The following RANBP17 variants were observed in gnomAD, a reference collection of about 807,000 sequenced individuals.
The protein encoded by RANBP17 is ran-binding protein 17.
RANBP17 carries 158 observed loss-of-function variants against 141.2 expected under a neutral mutation model. That is an observed-to-expected ratio of 1.12 (90% CI 0.98 to 1.28). The LOEUF is 1.28. Among genes scored for constraint, RANBP17 ranks in the 50% most tolerant of loss-of-function variants. The pLI is 0.00. For missense variants in RANBP17, 1,438 were observed against 1,290.7 expected (o/e 1.11, Z -1.75); for synonymous variants, 430 against 450.0 (o/e 0.96, Z 0.56).
At chr5:171,009,916 G>A (rs1307741418) in intron 14 of RANBP17, among the ~76,000 whole-genome samples, 3 of 152,074 alleles carry the variant, frequency 2.0e-5, no homozygotes, top group Non-Finnish European at 4.4e-5. Flanking sequence ...ACTGGTTGAG[G>A]TCTACATTTA....
chr5:171,267,029 T>TTC (rs200512891), intron 25 of RANBP17, among the ~76,000 whole-genome samples: 41,762 of 104,334 alleles, frequency 0.4, 8,279 homozygotes, highest in Middle Eastern at 0.59. Context: ...TTCTTTTCTT[T>TTC]TTTTTTTTTT....
chr5:171,214,803 A>G (rs138802789), intron 21 of RANBP17, among the ~76,000 whole-genome samples: 8 of 152,198 alleles, frequency 5.3e-5, no homozygotes, highest in Admixed American at 4.6e-4. Flanking sequence ...AATATTATGT[A>G]TTACTGATAG....
chr5:170,903,556 G>T, intron 5 of RANBP17: 1 of 235,272 alleles, frequency 4.3e-6, no homozygotes, highest in South Asian at 7.7e-5. Context: ...GGTGCTTGAA[G>T]ATGAATTCCC....
At chr5:171,104,560 A>C (rs558996259) in intron 14 of RANBP17, among the ~76,000 whole-genome samples, 1 of 152,314 alleles carries the variant, frequency 6.6e-6, no homozygotes, top group African/African-American at 2.4e-5. Context: ...TTTCCACAGA[A>C]CAGAAATGAC....
chr5:171,183,035 A>G (rs1760966174), intron 16 of RANBP17, 132 bp from the exon 17 acceptor site: 6 of 579,644 alleles, frequency 1.0e-5, no homozygotes, highest in East Asian at 2.9e-5. Flanking sequence ...AGACGTTTCT[A>G]TAGGAATGCT....
At chr5:171,247,127 A>G (rs1429887104) in intron 24 of RANBP17, among the ~76,000 whole-genome samples, 1 of 152,214 alleles carries the variant, frequency 6.6e-6, no homozygotes, top group Non-Finnish European at 1.5e-5. Flanking sequence ...CATAAAACTA[A>G]TAAGTGAATG....
intron 7 of RANBP17, chr5:170,911,351 A>G (rs1214448591): frequency 3.5e-6 from 2 of 573,672 alleles, no homozygotes; most frequent in Non-Finnish European, 6.2e-6. Context: ...AAGAAAAAAC[A>G]AGGACTGCAC....
intron 2 of RANBP17, among the ~76,000 whole-genome samples, chr5:170,878,840 T>A (rs1197249417): frequency 6.6e-6 from 1 of 152,136 alleles, no homozygotes; most frequent in East Asian, 1.9e-4. Context: ...GTTGTCAAAC[T>A]TTTTCTGTGA....
At chr5:171,147,339 TTGTGTGTG>T (rs59202388) in intron 14 of RANBP17, among the ~76,000 whole-genome samples, 125 of 104,854 alleles carry the variant, frequency 1.2e-3, no homozygotes, top group African/African-American at 3.3e-3. Context: ...CTTGGTTGTT[TTGTGTGTG>T]TGTGTGTGTG....
At chr5:171,011,006 C>A (rs1413912748) in intron 14 of RANBP17, among the ~76,000 whole-genome samples, 1 of 152,028 alleles carries the variant, frequency 6.6e-6, no homozygotes, top group African/African-American at 2.4e-5. Flanking sequence ...ACCACTCTTA[C>A]ATAAACATTC....
At chr5:170,897,359 C>CTTCT (rs1334336424) in intron 5 of RANBP17, 7 of 396,102 alleles carry the variant, frequency 1.8e-5, no homozygotes, top group African/African-American at 6.6e-5. Context: ...TCTTCTTCTT[C>CTTCT]TTTTTTTTTT....
intron 14 of RANBP17, among the ~76,000 whole-genome samples, chr5:171,117,033 G>A (rs898953451): frequency 2.0e-5 from 3 of 152,118 alleles, no homozygotes; most frequent in African/African-American, 7.2e-5. Context: ...CCTTGTGTAT[G>A]TGTACCACAT....
intron 14 of RANBP17, among the ~76,000 whole-genome samples, chr5:171,087,256 C>T (rs1313389476): frequency 6.6e-6 from 1 of 152,056 alleles, no homozygotes; most frequent in Non-Finnish European, 1.5e-5. Flanking sequence ...TGTTCAGTTT[C>T]CATGTAGTTG....
In RANBP17 at chr5:171,221,783, T is replaced by G; in HGVS notation, c.2365T>G (p.Ser789Ala). ...ATCCCAGCGTTTGAATTTTGATGTA[T>G]CATCTCCTAATGGAATTCTTCTCTT... is the stretch of plus-strand genomic sequence containing the variant. ...NRSQRLNFDV[S>A]SPNGILLFRE... The change falls in exon 22 of 28, where the codon TCA becomes GCA. Residue 789 changes from serine (S) to alanine (A), a missense_variant. Transcript: ENST00000523189. The G allele has an allele frequency of 1.9e-6, 3 of 1,611,038 alleles. No individual in the cohort carries two copies. Among genetic ancestry groups the G allele is most frequent in the Non-Finnish European group, 8.5e-7 (1 of 1,177,778 alleles).
intron 14 of RANBP17, among the ~76,000 whole-genome samples, chr5:171,133,043 G>A (rs1362962999): frequency 1.3e-5 from 2 of 151,846 alleles, no homozygotes; most frequent in East Asian, 1.9e-4. Context: ...CCGCCATCAC[G>A]CTTGGCTAAT....
At chr5:171,147,922 A>G (rs1165368396) in intron 14 of RANBP17, among the ~76,000 whole-genome samples, 3 of 152,184 alleles carry the variant, frequency 2.0e-5, no homozygotes, top group Non-Finnish European at 2.9e-5. Context: ...GGCCATGATG[A>G]CAATGGCGGT....
At chr5:171,168,703 T>C (rs1347846963) in intron 14 of RANBP17, among the ~76,000 whole-genome samples, 1 of 152,214 alleles carries the variant, frequency 6.6e-6, no homozygotes, top group Non-Finnish European at 1.5e-5. Flanking sequence ...ATGGTCACTT[T>C]AATCTTGTTA....
chr5:170,889,795 A>G (rs1327819701), intron 3 of RANBP17, among the ~76,000 whole-genome samples: 3 of 152,062 alleles, frequency 2.0e-5, no homozygotes, highest in Non-Finnish European at 4.4e-5. Flanking sequence ...TATCTTCCCA[A>G]ACATTTCCAT....
At chr5:171,261,090 C>CCAAAAAAAAAAAACAAAAAAA (rs1554125343) in intron 24 of RANBP17, among the ~76,000 whole-genome samples, 2 of 68,490 alleles carry the variant, frequency 2.9e-5, no homozygotes, top group Non-Finnish European at 5.0e-5. Flanking sequence ...CCACCCCCCC[C>CCAAAAAAAAAAAACAAAAAAA]AAAAAAAAAA....
Sources: allele counts gnomAD v4.1 joint callset (sites outside exome capture counted in the v4.1 genomes callset), GRCh38; gene constraint gnomAD v4.1.1; transcripts MANE v1.5; gene names NCBI Gene and HGNC (gene_info 2026-07-23, HGNC 2026-07-21).